The following MGAT4C variants were observed in gnomAD, a reference collection of about 807,000 sequenced individuals.
MGAT4C encodes MGAT4 family member C.
A neutral mutation model predicts 40.1 loss-of-function variants in MGAT4C; 19 were observed. The observed-to-expected ratio is 0.47, with a 90% CI of 0.33 to 0.70. The LOEUF (loss-of-function observed/expected upper bound fraction) is 0.70. Among genes scored for constraint, MGAT4C ranks in the 30% least tolerant of loss-of-function variants. The pLI, the probability that MGAT4C is intolerant of heterozygous loss-of-function variation, is 0.02. For missense variants in MGAT4C, 491 were observed against 563.2 expected (o/e 0.87, Z 1.30); for synonymous variants, 181 against 187.1 (o/e 0.97, Z 0.27).
intron 1 of MGAT4C, among the ~76,000 whole-genome samples, chr12:86,244,511 T>A (rs1410607359): frequency 6.6e-6 from 1 of 152,210 alleles, no homozygotes; most frequent in East Asian, 1.9e-4. Flanking sequence ...GGGATCTAAG[T>A]CTGGGGTCTC....
Position 86,720,567 on chromosome 12 carries a change from G to T in MGAT4C, c.-229+6642C>A, listed in dbSNP as rs183854191. ...TTCAAGTTTTTCCCATCATGATCTA[G>T]CTCCTTACTCCCTATATCTCCTTTT... On this transcript the variant is annotated intron_variant, in intron 2 of 7. Coordinates refer to the MGAT4C transcript ENST00000548651. Among the ~76,000 whole-genome samples the T allele has an allele frequency of 4.6e-5, 7 of 152,098 alleles. No homozygotes were observed. The East Asian group carries it at 5.8e-4, about 13-fold the overall frequency.
At chr12:86,075,300 C>G (rs965228413) in intron 1 of MGAT4C, among the ~76,000 whole-genome samples, 19 of 151,976 alleles carry the variant, frequency 1.3e-4, no homozygotes, top group African/African-American at 4.1e-4. Flanking sequence ...AATGATCTCT[C>G]TTGACTCCAG....
chr12:86,737,213 CATAACTGCTCATTTTGT>C (rs1159696016), intron 1 of MGAT4C, among the ~76,000 whole-genome samples: 5 of 151,420 alleles, frequency 3.3e-5, no homozygotes, highest in Non-Finnish European at 3.0e-5. Flanking sequence ...ACAGCTCCAG[CATAACTGCTCATTTTGT>C]TGTTAAAATT....
At chr12:86,622,441 A>G (rs1365465188) in intron 2 of MGAT4C, among the ~76,000 whole-genome samples, 1 of 152,150 alleles carries the variant, frequency 6.6e-6, no homozygotes, top group Non-Finnish European at 1.5e-5. Context: ...TTTAGAGTGA[A>G]AAAAACCTAA....
intron 1 of MGAT4C, among the ~76,000 whole-genome samples, chr12:86,072,575 T>C (rs2137040681): frequency 6.6e-6 from 1 of 152,248 alleles, no homozygotes; most frequent in African/African-American, 2.4e-5. Context: ...TCACCTCATA[T>C]ATTTTAAACA....
chr12:86,501,698 T>C (rs956222184), intron 2 of MGAT4C, among the ~76,000 whole-genome samples: 3 of 152,242 alleles, frequency 2.0e-5, no homozygotes, highest in African/African-American at 7.2e-5. Context: ...GGCTGCATAG[T>C]ATTCCATGGT....
At chr12:86,430,091 G>A (rs150416303) in intron 3 of MGAT4C, among the ~76,000 whole-genome samples, 1 of 152,104 alleles carries the variant, frequency 6.6e-6, no homozygotes, top group Non-Finnish European at 1.5e-5. Flanking sequence ...TCATCTCTAA[G>A]ATTTCTGTCT....
At chr12:86,001,116 T>C (rs1034473037) in intron 2 of MGAT4C, among the ~76,000 whole-genome samples, 1 of 152,164 alleles carries the variant, frequency 6.6e-6, no homozygotes, top group Admixed American at 6.6e-5. Flanking sequence ...CCTCAATATC[T>C]GATCAAATTT....
chr12:86,755,434 C>T (rs905240689), intron 1 of MGAT4C, among the ~76,000 whole-genome samples: 8 of 152,114 alleles, frequency 5.3e-5, no homozygotes. Flanking sequence ...GCACTGATTT[C>T]ATAGATTTAC....
intron 2 of MGAT4C, among the ~76,000 whole-genome samples, chr12:86,017,130 T>TA (rs968288784): frequency 4.0e-4 from 60 of 151,860 alleles, no homozygotes; most frequent in Non-Finnish European, 6.2e-4. Context: ...TGAAAACATT[T>TA]AAAAAAAACG....
chr12:86,758,294 A>G (rs17014183), intron 1 of MGAT4C, among the ~76,000 whole-genome samples: 6,681 of 152,136 alleles, frequency 0.044, 200 homozygotes, highest in Non-Finnish European at 0.066. Context: ...ACATATTTGG[A>G]TAAAGATGAA....
chr12:86,110,009 AGAAGAAAAGTCATG>A (rs1236552819), intron 1 of MGAT4C, among the ~76,000 whole-genome samples: 1 of 151,344 alleles, frequency 6.6e-6, no homozygotes, highest in Non-Finnish European at 1.5e-5. Flanking sequence ...TGTTCCAAGT[AGAAGAAAAGTCATG>A]GGCAAAGGCC....
Position 85,974,922 on chromosome 12 carries a change from G to A in MGAT4C, c.*4367C>T, listed in dbSNP as rs758198381. 4.0e-5 allele frequency: 6 copies of A among 149,702 alleles called. No homozygotes were observed. The highest frequency in any genetic ancestry group is 4.2e-4 in the South Asian group (2 of 4,794). The allele number at this position is 149,702 out of a possible 1,614,324, so 9.3% of individuals were successfully genotyped here. ...ATGATAGAAAAGATGCCAGAGAACC[G>A]GATCCTGACATTAAAAAAAAAAAGT... On this transcript the variant is annotated 3_prime_UTR_variant, in exon 5 of 5. Transcript: ENST00000611864.
At chr12:86,326,161 A>T (rs35931577) in intron 4 of MGAT4C, among the ~76,000 whole-genome samples, 1 of 151,790 alleles carries the variant, frequency 6.6e-6, no homozygotes, top group Non-Finnish European at 1.5e-5. Flanking sequence ...TAAGCGGCCA[A>T]CAAATATTTA....
At chr12:85,984,211 A>T (rs555642962) in intron 3 of MGAT4C, among the ~76,000 whole-genome samples, 2 of 152,326 alleles carry the variant, frequency 1.3e-5, no homozygotes, top group South Asian at 4.1e-4. Context: ...TTATTAAATA[A>T]GTCACTTATG....
chr12:86,190,121 AT>A (rs1485504246), intron 1 of MGAT4C, among the ~76,000 whole-genome samples: 37 of 152,218 alleles, frequency 2.4e-4, no homozygotes, highest in Admixed American at 2.4e-3. Context: ...CTCTCAATAA[AT>A]TTGGGGAATA....
At chr12:86,789,629 T>C (rs2136191581) in intron 1 of MGAT4C, among the ~76,000 whole-genome samples, 1 of 152,212 alleles carries the variant, frequency 6.6e-6, no homozygotes, top group East Asian at 1.9e-4. Context: ...AAGTCTTGGC[T>C]TGATTCTCCT....
At chr12:86,639,745 TG>T (rs1346392108) in intron 2 of MGAT4C, among the ~76,000 whole-genome samples, 1 of 151,730 alleles carries the variant, frequency 6.6e-6, no homozygotes, top group African/African-American at 2.4e-5. Flanking sequence ...ATTTAAATGC[TG>T]TATAATAGAT....
intron 2 of MGAT4C, among the ~76,000 whole-genome samples, chr12:86,568,873 A>G (rs899416357): frequency 6.6e-6 from 1 of 152,100 alleles, no homozygotes; most frequent in Non-Finnish European, 1.5e-5. Flanking sequence ...CGGGAAATCC[A>G]TATGTGGAAG....
Sources: allele counts gnomAD v4.1 joint callset (sites outside exome capture counted in the v4.1 genomes callset), GRCh38; gene constraint gnomAD v4.1.1; transcripts MANE v1.5; gene names NCBI Gene and HGNC (gene_info 2026-07-23, HGNC 2026-07-21).